The following SETD1B variants were observed in gnomAD, a reference collection of about 807,000 sequenced individuals.
The protein encoded by SETD1B is histone-lysine N-methyltransferase SETD1B.
SETD1B carries 7 observed loss-of-function variants against 148.0 expected under a neutral mutation model. The ratio of observed to expected loss-of-function variants is 0.05; its 90% CI spans 0.03 to 0.09. The LOEUF (loss-of-function observed/expected upper bound fraction) is 0.09. Ranked by LOEUF, SETD1B falls within the 10% of genes least tolerant of loss-of-function variation. SETD1B has a pLI of 1.00. For missense variants in SETD1B, 2,155 were observed against 2,729.9 expected (o/e 0.79, Z 4.69); for synonymous variants, 1,361 against 1,186.5 (o/e 1.15, Z -3.02).
At chr12:121,793,946 T>G in the SETD1B span, 2 of 265,246 alleles carry the variant, frequency 7.5e-6, no homozygotes, top group East Asian at 7.6e-5. Flanking sequence ...CGAGACCCGA[T>G]CGTGGCTGCC....
chr12:121,821,361 C>T (rs1347131171), intron 11 of SETD1B, among the ~76,000 whole-genome samples: 15 of 150,544 alleles, frequency 1.0e-4, no homozygotes, highest in East Asian at 2.0e-4. Context: ...TGCTTGAACC[C>T]GGGTGGCAGA....
At chr12:121,797,493 G>A in the SETD1B span, 1 of 456,450 alleles carries the variant, frequency 2.2e-6, no homozygotes, top group Non-Finnish European at 4.4e-6. Flanking sequence ...GAAAGAAGAG[G>A]GACCAAAGCA....
In SETD1B at chr12:121,810,556, C is replaced by T; in HGVS notation, c.1611C>T (p.Ser537=). Residue 537 remains serine, a synonymous_variant, in exon 6 of 17, where the codon TCC becomes TCT. Transcript: ENST00000604567. This position sits in a 1 kb window ranked among gnomAD's most constrained non-coding sequence, Gnocchi z 7.6. ...QMEGSPISSS[S]SQLSPLAPFG... Reference sequence around the variant, plus strand: ...AGGGCAGCCCCATCTCCTCCTCCTCCTCCCAGCTCTCCCCACTGGCCCCCT... The same window carrying T: ...AGGGCAGCCCCATCTCCTCCTCCTCTTCCCAGCTCTCCCCACTGGCCCCCT... 6.5e-7 allele frequency: 1 copy of T among 1,547,330 alleles called. No individual in the cohort carries two copies. The highest frequency in any genetic ancestry group is 8.7e-7 in the Non-Finnish European group (1 of 1,147,014).
At chr12:121,803,783 C>T (rs547641879), upstream of SETD1B, 1 of 151,898 alleles carries the variant, frequency 6.6e-6, no homozygotes, top group African/African-American at 2.4e-5. The surrounding 1 kb of genome is among the most constrained non-coding windows in gnomAD (Gnocchi z 4.7). Flanking sequence ...CCACCCCAGT[C>T]CCAGAAAAAT....
At chr12:121,800,006 T>C (rs1477077946), upstream of SETD1B, 1 of 151,912 alleles carries the variant, frequency 6.6e-6, no homozygotes, top group Non-Finnish European at 1.5e-5. Context: ...GGGAGAGAGA[T>C]GTGACCGGCC....
rs371286056 is a variant in SETD1B at position 121,827,968 on chromosome 12, C to T, written c.5625C>T (p.Asp1875=). The T allele has an allele frequency of 9.7e-6, 15 of 1,551,908 alleles. No individual in the cohort carries two copies. Among genetic ancestry groups the T allele is most frequent in the Non-Finnish European group, 9.6e-6 (11 of 1,147,088 alleles). The part of the protein sequence containing the change: ...IADMREKRYE[D]EGIGSSYMFR... ...ACATGCGGGAGAAGCGTTATGAGGA[C>T]GAGGGCATCGGGAGCAGCTACATGT... The change falls in exon 16 of 17, where the codon GAC becomes GAT. Residue 1875 remains aspartate, a synonymous_variant. Transcript: ENST00000604567.
chr12:121,815,039 C>T (rs1227794885), intron 7 of SETD1B, 109 bp downstream of exon 7: 1 of 1,044,950 alleles, frequency 9.6e-7, no homozygotes, highest in South Asian at 1.6e-5. Flanking sequence ...CTGCCGTGGA[C>T]CCCACTATGG....
At chr12:121,813,003 G>T (rs1384804639) in intron 6 of SETD1B, among the ~76,000 whole-genome samples, 2 of 150,220 alleles carry the variant, frequency 1.3e-5, no homozygotes, top group African/African-American at 4.9e-5. Context: ...CTGTCCACTC[G>T]GCTCCCTAAA....
At chr12:121,798,132 C>T in the SETD1B span, among the ~76,000 whole-genome samples, 20 of 152,234 alleles carry the variant, frequency 1.3e-4, no homozygotes, top group Non-Finnish European at 2.8e-4. Context: ...TGGGCACAGG[C>T]GCTGGCTGCC....
intron 6 of SETD1B, among the ~76,000 whole-genome samples, chr12:121,811,505 C>T (rs1388009686): frequency 1.3e-5 from 2 of 152,214 alleles, no homozygotes; most frequent in Non-Finnish European, 2.9e-5. Context: ...CTCCTCAGGT[C>T]ATGGGGTCTC....
At chr12:121,793,736 C>T in the SETD1B span, 8 of 1,070,460 alleles carry the variant, frequency 7.5e-6, no homozygotes, top group Admixed American at 3.9e-5. Flanking sequence ...CTCGGAGCAG[C>T]GCCGCCTCCG....
the SETD1B span, among the ~76,000 whole-genome samples, chr12:121,796,779 T>C: frequency 1.3e-5 from 2 of 152,204 alleles, no homozygotes; most frequent in African/African-American, 4.8e-5. Flanking sequence ...CGGTGGCTCA[T>C]GCCTGTAATC....
chr12:121,816,567 G>A (rs550346432), intron 7 of SETD1B, among the ~76,000 whole-genome samples: 2 of 152,310 alleles, frequency 1.3e-5, no homozygotes, highest in East Asian at 3.9e-4. Flanking sequence ...CATGTGGCTC[G>A]TTTTGTTAAT....
upstream of SETD1B, chr12:121,800,042 G>A (rs972724901): frequency 2.0e-5 from 3 of 152,196 alleles, no homozygotes; most frequent in African/African-American, 4.8e-5. Context: ...GGGCTCCGGG[G>A]CTGAAAGGGA....
Position 121,808,846 on chromosome 12 carries a change from A to G in SETD1B, c.657+526A>G, listed in dbSNP as rs1459591482. 6.6e-6 allele frequency among the ~76,000 whole-genome samples: 1 copy of G among 152,178 alleles called. No homozygotes were observed. Among genetic ancestry groups the G allele is most frequent in the Non-Finnish European group, 1.5e-5 (1 of 68,044 alleles). ...CCTGGCATCAGGCTGACTAGCTGCCACTGGCCTGTTCATCACTTTTTTTTT... is the reference window on the plus strand; with the variant it reads ...CCTGGCATCAGGCTGACTAGCTGCCGCTGGCCTGTTCATCACTTTTTTTTT... On this transcript the variant is annotated intron_variant, in intron 5 of 16. Coordinates refer to ENST00000604567, the MANE Select transcript of SETD1B (RefSeq NM_001353345.2). The surrounding 1 kb of genome is among the most constrained non-coding windows in gnomAD (Gnocchi z 5.3).
the SETD1B span, chr12:121,796,086 A>C: frequency 6.6e-6 from 1 of 152,520 alleles, no homozygotes; most frequent in Non-Finnish European, 1.5e-5. Flanking sequence ...CTGTAGCTAA[A>C]AATACCTCGG....
Position 121,809,741 on chromosome 12 carries a change from C to T in SETD1B, c.796C>T (p.Pro266Ser), listed in dbSNP as rs773237321. 1.9e-6 allele frequency: 3 copies of T among 1,551,588 alleles called. No individual in the cohort carries two copies. The South Asian group carries it at 3.6e-5, about 18-fold the overall frequency. Residue 266 changes from proline (P) to serine (S), a missense_variant, in exon 6 of 17, where the codon CCC (proline) becomes TCC (serine). Pro to Ser is a moderately conservative substitution (Grantham distance 74). Transcript: ENST00000604567. ...TTATTCCAGCTGCCGCCTGGACACA[C>T]CCAACTCCTATGGACAGGGCACCCC... is the stretch of plus-strand genomic sequence containing the variant. ...TAYSSCRLDT[P>S]NSYGQGTPLT...
At chr12:121,802,819 G>T (rs952152640), upstream of SETD1B, 18 of 152,352 alleles carry the variant, frequency 1.2e-4, no homozygotes, top group African/African-American at 3.4e-4. Flanking sequence ...GAGACGTCCT[G>T]AACTGGATGG....
intron 6 of SETD1B, among the ~76,000 whole-genome samples, chr12:121,812,940 TCCACCC>T: frequency 6.6e-6 from 1 of 151,938 alleles, no homozygotes; most frequent in Non-Finnish European, 1.5e-5. Flanking sequence ...AGACTCCACC[TCCACCC>T]CCACTCCCCC....
Sources: gnomAD v4.1 joint callset for allele counts (sites outside exome capture counted in the v4.1 genomes callset) on GRCh38, gnomAD v4.1.1 for gene constraint, Gnocchi (gnomAD v3.1) non-coding constraint, MANE v1.5 for transcripts, NCBI Gene and HGNC (gene_info 2026-07-23, HGNC 2026-07-21) for gene names.